ARID3C: variants seen among roughly 807,000 people sequenced by gnomAD.
The protein encoded by ARID3C is AT-rich interactive domain-containing protein 3C.
ARID3C carries 42 observed loss-of-function variants against 37.9 expected under a neutral mutation model. That is an observed-to-expected ratio of 1.11 (90% CI 0.87 to 1.43). ARID3C has a LOEUF of 1.43. Ranked by LOEUF, ARID3C falls within the 40% of genes most tolerant of loss-of-function variation. ARID3C has a pLI of 0.00. For missense variants in ARID3C, 581 were observed against 548.8 expected (o/e 1.06, Z -0.59); for synonymous variants, 213 against 228.0 (o/e 0.93, Z 0.59).
chr9:34,632,095 G>C (rs1228559222), upstream of ARID3C, among the ~76,000 whole-genome samples: 2 of 152,190 alleles, frequency 1.3e-5, no homozygotes, highest in African/African-American at 4.8e-5. Flanking sequence ...TCCACTCAAG[G>C]GGAAGGAATT....
upstream of ARID3C, chr9:34,628,148 G>T (rs1820685090): frequency 3.2e-6 from 4 of 1,252,920 alleles, no homozygotes; most frequent in Admixed American, 1.2e-4. This position sits in a 1 kb window ranked among gnomAD's most constrained non-coding sequence, Gnocchi z 5.2. Context: ...CAACACAGGG[G>T]GAGGTGGTCA....
chr9:34,632,565 GTC>G (rs1820732028), upstream of ARID3C, among the ~76,000 whole-genome samples: 1 of 152,334 alleles, frequency 6.6e-6, no homozygotes, highest in South Asian at 2.1e-4. Flanking sequence ...CATTGCAATA[GTC>G]TATAGGCAAG....
At chr9:34,626,122 TC>T (rs557692722) in intron 1 of ARID3C, among the ~76,000 whole-genome samples, 220 of 152,202 alleles carry the variant, frequency 1.4e-3, no homozygotes, top group African/African-American at 4.9e-3. Flanking sequence ...GGCTCAGTCT[TC>T]CCCCACCCTC....
chr9:34,621,979 C>A (rs534629059), intron 6 of ARID3C, 41 bp downstream of exon 7: 1 of 1,592,588 alleles, frequency 6.3e-7, no homozygotes, highest in South Asian at 1.1e-5. Context: ...CCTAAATACC[C>A]CTGACCCCAT....
At chr9:34,626,577 C>T (rs1820657031) in intron 1 of ARID3C, among the ~76,000 whole-genome samples, 1 of 152,144 alleles carries the variant, frequency 6.6e-6, no homozygotes, top group Non-Finnish European at 1.5e-5. Context: ...CCCAGAGTAA[C>T]AGTCCTTGAG....
chr9:34,625,591 G>A (rs1156604527), intron 2 of ARID3C, 151 bp downstream of exon 3: 2 of 689,330 alleles, frequency 2.9e-6, no homozygotes, highest in Non-Finnish European at 4.7e-6. Context: ...GGGTGGAGGA[G>A]GGGGACAGGG....
exon 5 of ARID3C, chr9:34,622,509 G>A (rs1564090675): frequency 1.2e-6 from 2 of 1,608,268 alleles, no homozygotes; most frequent in East Asian, 4.5e-5. Flanking sequence ...GCCAGACAAG[G>A]GTTTGGAATT....
chr9:34,627,604 G>A, intron 1 of ARID3C, 93 bp downstream of exon 2: 1 of 1,148,260 alleles, frequency 8.7e-7, no homozygotes. Context: ...GCAGAGGGTG[G>A]TGGGGGTGGG....
upstream of ARID3C, among the ~76,000 whole-genome samples, chr9:34,630,571 T>C (rs146319992): frequency 7.4e-4 from 113 of 152,130 alleles, no homozygotes; most frequent in Non-Finnish European, 5.6e-4. Context: ...CCTCCTCCCT[T>C]GTCCTCTCCC....
downstream of ARID3C, chr9:34,621,318 G>T: frequency 5.2e-6 from 3 of 577,884 alleles, no homozygotes; most frequent in South Asian, 6.2e-5. Context: ...AGAAACTTTG[G>T]TTTTAAGTCC....
rs1820615029 is a variant in ARID3C, at chr9:34,623,801, C to T, written c.575+63G>A. 4.2e-6 allele frequency: 6 copies of T among 1,419,698 alleles called. No individual in the cohort carries two copies. The Admixed American group carries it at 8.1e-5, about 19-fold the overall frequency. 87.9% of individuals were successfully genotyped at this position (1,419,698 alleles called of 1,614,324 possible). On this transcript the variant is annotated intron_variant, in intron 3 of 6. Transcript: ENST00000378909. ...AGCCGGACGCCCGCCCGGGGACCCT[C>T]CCCCCTCCCGCCCCAGGCCGAACCC...
exon 4 of ARID3C, chr9:34,623,469 G>T (rs1298753824): frequency 1.3e-6 from 2 of 1,537,032 alleles, no homozygotes; most frequent in East Asian, 4.6e-5. Context: ...TGCATGCGCT[G>T]GCAGGCCGGA....
intron 1 of ARID3C, 138 bp downstream of exon 2, chr9:34,627,559 A>G (rs368262095): frequency 2.5e-5 from 18 of 728,706 alleles, no homozygotes; most frequent in East Asian, 5.5e-5. Context: ...CTGTCTTTCT[A>G]TAGGTCTCCG....
chr9:34,630,242 C>T (rs1820711316), upstream of ARID3C, among the ~76,000 whole-genome samples: 1 of 152,172 alleles, frequency 6.6e-6, no homozygotes, highest in African/African-American at 2.4e-5. Flanking sequence ...GCTTTGCGCC[C>T]TCCCCCTAAC....
upstream of ARID3C, among the ~76,000 whole-genome samples, chr9:34,631,504 C>T (rs1820722889): frequency 6.6e-6 from 1 of 152,136 alleles, no homozygotes; most frequent in Non-Finnish European, 1.5e-5. Flanking sequence ...TCATCCAACA[C>T]ATATTTATTA....
chr9:34,627,339 C>A (rs1820669388), intron 1 of ARID3C, among the ~76,000 whole-genome samples: 1 of 152,086 alleles, frequency 6.6e-6, no homozygotes, highest in African/African-American at 2.4e-5. Context: ...TCCCCAGCCC[C>A]TAGACTGCCT....
chr9:34,625,679 G>T, intron 2 of ARID3C, 63 bp downstream of exon 3: 1 of 1,586,302 alleles, frequency 6.3e-7, no homozygotes, highest in Non-Finnish European at 8.6e-7. Flanking sequence ...GAACCCAACC[G>T]GGTTTCCTCA....
upstream of ARID3C, among the ~76,000 whole-genome samples, chr9:34,630,021 C>T (rs1017590296): frequency 3.9e-4 from 60 of 152,266 alleles, no homozygotes; most frequent in Middle Eastern, 3.4e-3. Context: ...CCCTGGCCAC[C>T]CACAGTGCTG....
chr9:34,623,372 G>A, intron 4 of ARID3C, 53 bp downstream of exon 5: 2 of 1,461,716 alleles, frequency 1.4e-6, no homozygotes, highest in Non-Finnish European at 1.8e-6. Flanking sequence ...CTATATCTTA[G>A]CGCCCACCTA....
Sources: allele counts gnomAD v4.1 joint callset (sites outside exome capture counted in the v4.1 genomes callset), GRCh38; gene constraint gnomAD v4.1.1; non-coding constraint Gnocchi (gnomAD v3.1); transcripts MANE v1.5; gene names NCBI Gene and HGNC (gene_info 2026-07-23, HGNC 2026-07-21).